SMIM22: variants seen among roughly 807,000 people sequenced by gnomAD.
SMIM22 encodes the protein small integral membrane protein 22, also known as cancer associated small integral membrane open reading frame 1.
In SMIM22, 16 loss-of-function variants were observed where a neutral mutation model predicts 8.4. The observed-to-expected ratio is 1.90, with a 90% CI of 1.29 to 2.89. The LOEUF (loss-of-function observed/expected upper bound fraction) is 2.89, where lower values mean the gene tolerates loss of function less well. Among genes scored for constraint, SMIM22 ranks in the 30% most tolerant of loss-of-function variants. The pLI is 0.00. For missense variants in SMIM22, 159 were observed against 107.5 expected (o/e 1.48, Z -2.12); for synonymous variants, 67 against 47.6 (o/e 1.41, Z -1.68).
At chr16:4,792,696 G>A (rs543633614), upstream of SMIM22, among the ~76,000 whole-genome samples, 26 of 151,214 alleles carry the variant, frequency 1.7e-4, 1 homozygote, top group Non-Finnish European at 1.8e-4. Flanking sequence ...CAGTGATTCG[G>A]GAGGCCGAGG....
Position 4,796,234 on chromosome 16 carries a change from CTG to C in SMIM22, c.*7_*8del, listed in dbSNP as rs1394512124. On this transcript the variant is annotated 3_prime_UTR_variant, in exon 4 of 4. Coordinates refer to ENST00000586005, the MANE Select transcript of SMIM22 (RefSeq NM_001253794.2). ...ATAACTTGGCCCTGGAACCCTGACCCTGTGTCTCCTGCCCGGTGGCAGTAACA... is the reference window on the plus strand; with the variant it reads ...ATAACTTGGCCCTGGAACCCTGACCCTGTCTCCTGCCCGGTGGCAGTAACA... 6.5e-7 allele frequency: 1 copy of C among 1,535,726 alleles called. No homozygotes were observed. The highest frequency in any genetic ancestry group is 8.7e-7 in the Non-Finnish European group (1 of 1,146,768).
intron 2 of SMIM22, among the ~76,000 whole-genome samples, chr16:4,789,028 T>G (rs1436223223): frequency 6.6e-6 from 1 of 152,230 alleles, no homozygotes; most frequent in Non-Finnish European, 1.5e-5. Context: ...CTTTTTTTGT[T>G]GTTTGTTTTT....
intron 3 of SMIM22, 23 bp from the exon 4 acceptor site, chr16:4,796,167 G>T: frequency 1.3e-6 from 2 of 1,536,040 alleles, no homozygotes; most frequent in Non-Finnish European, 1.7e-6. Flanking sequence ...AACCTGCTTG[G>T]TCCCGCTGTG....
chr16:4,795,532 G>A, intron 1 of SMIM22, 83 bp downstream of exon 1: 1 of 719,794 alleles, frequency 1.4e-6, no homozygotes, highest in Non-Finnish European at 2.2e-6. Context: ...GTCAGGGTAA[G>A]GACCACAGGG....
intron 2 of SMIM22, among the ~76,000 whole-genome samples, chr16:4,789,029 GTT>G (rs2082506375): frequency 6.6e-6 from 1 of 152,068 alleles, no homozygotes; most frequent in South Asian, 2.1e-4. Context: ...TTTTTTTGTT[GTT>G]TGTTTTTGAG....
At chr16:4,793,096 C>T (rs1406219729), upstream of SMIM22, among the ~76,000 whole-genome samples, 1 of 106,418 alleles carries the variant, frequency 9.4e-6, no homozygotes, top group African/African-American at 4.0e-5. Flanking sequence ...GCAAAAAGAG[C>T]GAAACTCTGT....
chr16:4,792,167 A>G (rs2082560314), upstream of SMIM22, among the ~76,000 whole-genome samples: 2 of 151,998 alleles, frequency 1.3e-5, no homozygotes, highest in South Asian at 4.1e-4. Context: ...CAAGAGCTGG[A>G]GCAGGGGCCA....
upstream of SMIM22, among the ~76,000 whole-genome samples, chr16:4,791,419 T>A (rs1328797805): frequency 6.6e-6 from 1 of 152,178 alleles, no homozygotes; most frequent in Non-Finnish European, 1.5e-5. Flanking sequence ...GAGCCTTCCA[T>A]CATGCTTCGA....
chr16:4,793,057 C>T (rs1191569300), upstream of SMIM22, among the ~76,000 whole-genome samples: 3 of 140,212 alleles, frequency 2.1e-5, no homozygotes, highest in East Asian at 2.1e-4. Flanking sequence ...TGCAGTGAGC[C>T]GAGATGGCGC....
At position 4,796,292 on chromosome 16, in the gene SMIM22, G is replaced by GC; in HGVS notation, c.*62dup. 1 of 1,523,442 alleles carries GC rather than the reference G, an allele frequency of 6.6e-7. No individual in the cohort carries two copies. The highest frequency in any genetic ancestry group is 8.8e-7 in the Non-Finnish European group (1 of 1,138,512). 94.4% of individuals were successfully genotyped at this position (1,523,442 alleles called of 1,614,324 possible). On this transcript the variant is annotated 3_prime_UTR_variant, in exon 4 of 4. Transcript: ENST00000586005. Reference sequence around the variant, plus strand: ...TTCTGTCTGCCCAGAGCCTGAGTCTGCAGTGTCTTCCAGTCCCCGTCTGGG... The same window carrying GC: ...TTCTGTCTGCCCAGAGCCTGAGTCTGCCAGTGTCTTCCAGTCCCCGTCTGGG...
upstream of SMIM22, among the ~76,000 whole-genome samples, chr16:4,793,851 A>G (rs2082592233): frequency 6.6e-6 from 1 of 152,114 alleles, no homozygotes; most frequent in Non-Finnish European, 1.5e-5. Context: ...ATCTTGGCTC[A>G]CTGCAGCCTC....
chr16:4,796,367 C>A lies in SMIM22; in HGVS notation c.*136C>A. 1 of 1,009,316 alleles carries A rather than the reference C, an allele frequency of 9.9e-7. No homozygotes were observed. The highest frequency in any genetic ancestry group is 1.4e-6 in the Non-Finnish European group (1 of 695,178). The allele number at this position is 1,009,316 out of a possible 1,614,324, so 62.5% of individuals were successfully genotyped here. A position where few individuals can be genotyped will look rare whatever the true frequency, so the allele number is the denominator to read the frequency against. The stretch of plus-strand genomic sequence containing the variant: ...CACTCAGGTGGCCACCTGGCCTCTC[C>A]AAGCCTTCAGTCAGCACGACTGTGC... On this transcript the variant is annotated 3_prime_UTR_variant, in exon 4 of 4. Transcript: ENST00000586005.
At chr16:4,792,967 G>C (rs2082575370), upstream of SMIM22, among the ~76,000 whole-genome samples, 2 of 152,008 alleles carry the variant, frequency 1.3e-5, no homozygotes, top group Non-Finnish European at 2.9e-5. Context: ...AAGTTAGCTG[G>C]GCGTGGTGGC....
chr16:4,789,556 G>A (rs918434912), intron 2 of SMIM22, among the ~76,000 whole-genome samples: 8 of 152,104 alleles, frequency 5.3e-5, no homozygotes, highest in Non-Finnish European at 1.2e-4. Context: ...TCGATCTCCT[G>A]ATCTCGTGAT....
chr16:4,796,053 G>A lies in SMIM22; in HGVS notation c.225+5G>A. 6.5e-7 allele frequency: 1 copy of A among 1,531,590 alleles called. No homozygotes were observed. Among genetic ancestry groups the A allele is most frequent in the South Asian group, 1.2e-5 (1 of 83,786 alleles). The allele number at this position is 1,531,590 out of a possible 1,614,324, so 94.9% of individuals were successfully genotyped here. On this transcript the variant is annotated splice_donor_5th_base_variant and intron_variant, in intron 3 of 3. Transcript: ENST00000586005. ...AGGAAGGTGAGCCCCTGGAAGGTGA[G>A]CCCTGCCGGCCTCTGGGACCTGCAC...
At position 4,795,819 on chromosome 16, in the gene SMIM22, T is replaced by C. The variant is rs1014597496; in HGVS notation, c.85T>C (p.Trp29Arg). The change falls in exon 2 of 4, where the codon TGG becomes CGG. Residue 29 changes from tryptophan (W) to arginine (R), a missense_variant. Trp to Arg is a moderately radical substitution (Grantham distance 101). Transcript: ENST00000586005. ...LKSHQFFQST[W>R]DTVAFIVFLT... Reference sequence around the variant, plus strand: ...GAGCCACCAGTTTTTCCAGTCCACATGGGACACTGTTGCCTTCATTGTTTT... The same window carrying C: ...GAGCCACCAGTTTTTCCAGTCCACACGGGACACTGTTGCCTTCATTGTTTT... 2.3e-5 allele frequency: 35 copies of C among 1,535,806 alleles called. No homozygotes were observed. Among genetic ancestry groups the C allele is most frequent in the Non-Finnish European group, 3.0e-5 (34 of 1,146,788 alleles).
upstream of SMIM22, among the ~76,000 whole-genome samples, chr16:4,791,388 G>T (rs2082548768): frequency 6.6e-6 from 1 of 152,186 alleles, no homozygotes; most frequent in South Asian, 2.1e-4. Context: ...ATAGCACAGG[G>T]CATTCAGTGC....
upstream of SMIM22, chr16:4,795,237 G>A (rs1343754176): frequency 6.3e-6 from 1 of 159,350 alleles, no homozygotes; most frequent in Non-Finnish European, 1.4e-5. Context: ...AGAAGCCACA[G>A]GCCGGCGTCT....
At chr16:4,793,734 G>A (rs893274343), upstream of SMIM22, among the ~76,000 whole-genome samples, 4 of 152,108 alleles carry the variant, frequency 2.6e-5, no homozygotes, top group African/African-American at 7.2e-5. Context: ...CCTATACAAT[G>A]TAACAATTAT....
Sources: allele counts gnomAD v4.1 joint callset (sites outside exome capture counted in the v4.1 genomes callset), GRCh38; gene constraint gnomAD v4.1.1; transcripts MANE v1.5; gene names NCBI Gene and HGNC (gene_info 2026-07-23, HGNC 2026-07-21).